Variants in VWA8 observed in about 807,000 individuals in gnomAD.
VWA8 encodes von Willebrand factor A domain-containing protein 8.
A neutral mutation model predicts 241.5 loss-of-function variants in VWA8; 221 were observed. The observed-to-expected ratio is 0.91, with a 90% CI of 0.82 to 1.02. The LOEUF (loss-of-function observed/expected upper bound fraction) is 1.02. VWA8 is among the 50% of genes least tolerant of loss of function. The pLI is 0.00. For missense variants in VWA8, 2,322 were observed against 2,328.7 expected (o/e 1.00, Z 0.06); for synonymous variants, 852 against 827.1 (o/e 1.03, Z -0.52).
At chr13:41,623,184 C>T (rs2044668394) in intron 37 of VWA8, among the ~76,000 whole-genome samples, 1 of 152,100 alleles carries the variant, frequency 6.6e-6, no homozygotes, top group African/African-American at 2.4e-5. Flanking sequence ...AACACACACA[C>T]ATACACATAC....
chr13:41,632,847 T>C (rs1286170736), intron 37 of VWA8, among the ~76,000 whole-genome samples: 3 of 152,206 alleles, frequency 2.0e-5, no homozygotes, highest in African/African-American at 7.2e-5. Context: ...ACTTACATAC[T>C]TTTTGACAGT....
intron 34 of VWA8, among the ~76,000 whole-genome samples, chr13:41,688,688 C>A (rs1422188462): frequency 6.6e-6 from 1 of 152,006 alleles, no homozygotes; most frequent in Non-Finnish European, 1.5e-5. Context: ...TTTTAATCTA[C>A]AATAATGACA....
Position 41,824,438 on chromosome 13 carries a change from G to A in VWA8, c.1701-5052C>T, listed in dbSNP as rs941676608. ...AGAGGAATAGCAGGTTTGTAGAAAT[G>A]AGTTCAAAGTTTCTCTAAGACACCT... On this transcript the variant is annotated intron_variant, in intron 14 of 44. Coordinates refer to ENST00000379310, the MANE Select transcript of VWA8 (RefSeq NM_015058.2). Among the ~76,000 whole-genome samples the A allele has an allele frequency of 2.6e-5, 4 of 152,178 alleles. No homozygotes were observed. In the South Asian group the frequency reaches 8.3e-4, roughly 31 times the overall value.
rs193040182 is a variant in VWA8, at chr13:41,799,530, C to T, written c.2063+11695G>A. 3.8e-4 allele frequency among the ~76,000 whole-genome samples: 58 copies of T among 152,172 alleles called. 1 individual carries two copies. The South Asian group carries it at 0.012, about 31-fold the overall frequency. On this transcript the variant is annotated intron_variant, in intron 17 of 44. Coordinates refer to ENST00000379310, the MANE Select transcript of VWA8 (RefSeq NM_015058.2). ...GGCTTGTGGGCAAACATTTTTTAGT[C>T]TATGGGAACAGGGAGCACTTCCAGA...
At chr13:41,741,977 T>C (rs1031522552) in intron 21 of VWA8, among the ~76,000 whole-genome samples, 2 of 152,132 alleles carry the variant, frequency 1.3e-5, no homozygotes, top group Non-Finnish European at 2.9e-5. Context: ...CTGGCAGGAA[T>C]GAGTAGAAAG....
intron 4 of VWA8, among the ~76,000 whole-genome samples, chr13:41,901,469 A>G (rs1307148070): frequency 6.6e-6 from 1 of 152,204 alleles, no homozygotes; most frequent in Admixed American, 6.5e-5. Context: ...ATTAAATGCA[A>G]TAATACGAAG....
At chr13:41,785,959 A>C (rs1462667516) in intron 18 of VWA8, among the ~76,000 whole-genome samples, 1 of 152,100 alleles carries the variant, frequency 6.6e-6, no homozygotes, top group Non-Finnish European at 1.5e-5. Flanking sequence ...GCTTAAGGAC[A>C]AGTTTATTCA....
chr13:41,924,108 T>C (rs1387221750), intron 2 of VWA8, among the ~76,000 whole-genome samples: 4 of 151,570 alleles, frequency 2.6e-5, no homozygotes, highest in Non-Finnish European at 5.9e-5. Context: ...AAAAAAACAG[T>C]CTTAAGGAAA....
At chr13:41,766,307 T>A (rs971758518) in intron 20 of VWA8, among the ~76,000 whole-genome samples, 5 of 152,066 alleles carry the variant, frequency 3.3e-5, no homozygotes, top group African/African-American at 1.2e-4. Context: ...ACTCTATCCA[T>A]GTTCCATCAA....
intron 36 of VWA8, among the ~76,000 whole-genome samples, chr13:41,671,348 G>T (rs538954139): frequency 6.6e-6 from 1 of 151,984 alleles, no homozygotes; most frequent in South Asian, 2.1e-4. Context: ...ACATGCCCAG[G>T]GTTCGTAAGC....
intron 2 of VWA8, among the ~76,000 whole-genome samples, chr13:41,948,315 A>G (rs1281917279): frequency 6.6e-6 from 1 of 152,164 alleles, no homozygotes; most frequent in Non-Finnish European, 1.5e-5. Flanking sequence ...AATCTATAGA[A>G]ACAGAAAGTA....
Position 41,911,066 on chromosome 13 carries a change from T to C in VWA8, c.372+972A>G, listed in dbSNP as rs7988915. On this transcript the variant is annotated intron_variant, in intron 3 of 44. Coordinates refer to ENST00000379310, the MANE Select transcript of VWA8 (RefSeq NM_015058.2). ...AAACATTTGTACATTTTCTTTCTTT[T>C]TTTTTTTTTTTTTTTGAGACGGAGT... Among the ~76,000 whole-genome samples, 266 of 147,778 alleles carry C rather than the reference T, an allele frequency of 1.8e-3. 4 individuals are homozygous for C. Among genetic ancestry groups the C allele is most frequent in the African/African-American group, 6.2e-3 (250 of 40,486 alleles).
At chr13:41,659,335 G>A (rs1000620134) in intron 37 of VWA8, among the ~76,000 whole-genome samples, 8 of 152,066 alleles carry the variant, frequency 5.3e-5, no homozygotes, top group African/African-American at 7.3e-5. Context: ...TCTGTGCTTC[G>A]GTTTCCTCAT....
chr13:41,925,226 C>A (rs574375856), intron 2 of VWA8, among the ~76,000 whole-genome samples: 1 of 152,276 alleles, frequency 6.6e-6, no homozygotes, highest in South Asian at 2.1e-4. Flanking sequence ...TGAGAGAATT[C>A]ATCACCACTG....
rs536823250 is a variant in VWA8 at position 41,591,401 on chromosome 13, A to G, written c.4987-636T>C. ...CGGCAGTAAAATGATAAAGAATTAT[A>G]GTATCCCAATCAAGGCATATGCTTA... On this transcript the variant is annotated intron_variant, in intron 40 of 44. Coordinates refer to ENST00000379310, the MANE Select transcript of VWA8 (RefSeq NM_015058.2). Among the ~76,000 whole-genome samples, 8 of 152,372 alleles carry G rather than the reference A, an allele frequency of 5.3e-5. No homozygotes were observed. In the East Asian group the frequency reaches 1.5e-3, roughly 29 times the overall value.
intron 2 of VWA8, among the ~76,000 whole-genome samples, chr13:41,931,297 A>C (rs1489315911): frequency 1.4e-5 from 2 of 146,860 alleles, no homozygotes; most frequent in Non-Finnish European, 1.5e-5. Context: ...AAAAAAAAAA[A>C]AAAAAAACCC....
intron 12 of VWA8, among the ~76,000 whole-genome samples, chr13:41,852,811 T>G (rs147794241): frequency 1.1e-3 from 168 of 152,278 alleles, no homozygotes; most frequent in Middle Eastern, 6.8e-3. Context: ...GTTCCATCCA[T>G]CCATATGTTT....
chr13:41,574,611 C>T (rs1015398506), intron 43 of VWA8, among the ~76,000 whole-genome samples: 6 of 152,070 alleles, frequency 3.9e-5, no homozygotes, highest in Non-Finnish European at 7.4e-5. Flanking sequence ...GCCCAGATAG[C>T]CAAAGCAATA....
At chr13:41,766,980 G>A (rs954354418) in intron 20 of VWA8, among the ~76,000 whole-genome samples, 2 of 152,150 alleles carry the variant, frequency 1.3e-5, no homozygotes, top group Non-Finnish European at 2.9e-5. Context: ...AGCAAATCCA[G>A]ATCTTTTCTT....
Sources: allele counts gnomAD v4.1 joint callset (sites outside exome capture counted in the v4.1 genomes callset), GRCh38; gene constraint gnomAD v4.1.1; transcripts MANE v1.5; gene names NCBI Gene and HGNC (gene_info 2026-07-23, HGNC 2026-07-21).